KAT6B: variants seen among roughly 807,000 people sequenced by gnomAD.
The protein encoded by KAT6B is histone acetyltransferase KAT6B.
KAT6B carries 10 observed loss-of-function variants against 187.5 expected under a neutral mutation model. The ratio of observed to expected loss-of-function variants is 0.05; its 90% CI spans 0.03 to 0.09. The LOEUF is 0.09. Ranked by LOEUF, KAT6B falls within the 10% of genes least tolerant of loss-of-function variation. KAT6B has a pLI of 1.00. For missense variants in KAT6B, 1,952 were observed against 2,558.9 expected, an observed-to-expected ratio of 0.76 and a Z score of 5.12; for synonymous variants, 861 against 926.8, an observed-to-expected ratio of 0.93 and a Z score of 1.29.
chr10:74,926,283 G>A (rs1406802762), intron 3 of KAT6B, among the ~76,000 whole-genome samples: 5 of 152,110 alleles, frequency 3.3e-5, no homozygotes, highest in Admixed American at 6.5e-5. Context: ...GCAAAACCCC[G>A]TCTCTACTAA....
At chr10:74,892,333 A>G (rs1233213664) in intron 3 of KAT6B, among the ~76,000 whole-genome samples, 1 of 152,202 alleles carries the variant, frequency 6.6e-6, no homozygotes, top group Non-Finnish European at 1.5e-5. Context: ...GCCCCACTGC[A>G]CTGCAGCCTG....
Position 74,919,067 on chromosome 10 carries a change from A to T in KAT6B, c.622-40903A>T, listed in dbSNP as rs557505123. On this transcript the variant is annotated intron_variant, in intron 3 of 17. Coordinates refer to ENST00000287239, the MANE Select transcript of KAT6B (RefSeq NM_012330.4). ...ACCCCATCTCTACTAAAAATATATT[A>T]AAAAAATGGGCCAGGCGTGGTGGCA... 2.7e-4 allele frequency among the ~76,000 whole-genome samples: 41 copies of T among 151,918 alleles called. No individual in the cohort carries two copies. The South Asian group carries it at 2.9e-3, about 11-fold the overall frequency.
intron 3 of KAT6B, among the ~76,000 whole-genome samples, chr10:74,940,193 G>A (rs188775442): frequency 6.6e-6 from 1 of 151,678 alleles, no homozygotes; most frequent in South Asian, 2.1e-4. Flanking sequence ...CCATGTGTAT[G>A]TATACATTAA....
chr10:74,931,900 C>CA (rs1318969227), intron 3 of KAT6B, among the ~76,000 whole-genome samples: 1 of 151,988 alleles, frequency 6.6e-6, no homozygotes, highest in East Asian at 1.9e-4. Flanking sequence ...TTAGTAGAGA[C>CA]AGAGTTTTGC....
chr10:75,013,622 A>G (rs1844771782), intron 13 of KAT6B, among the ~76,000 whole-genome samples: 1 of 152,178 alleles, frequency 6.6e-6, no homozygotes, highest in Non-Finnish European at 1.5e-5. Flanking sequence ...CCAAATGATC[A>G]CCTTGAGACT....
chr10:74,895,755 G>T (rs1845944563), intron 3 of KAT6B, among the ~76,000 whole-genome samples: 1 of 152,046 alleles, frequency 6.6e-6, no homozygotes, highest in African/African-American at 2.4e-5. Context: ...GGCCAGGCTG[G>T]TCTCGAACTC....
intron 13 of KAT6B, among the ~76,000 whole-genome samples, chr10:75,017,044 G>A (rs1331122837): frequency 6.6e-6 from 1 of 151,814 alleles, no homozygotes; most frequent in Non-Finnish European, 1.5e-5. Flanking sequence ...TGTGTTTTTA[G>A]TAGAGATGGG....
At chr10:74,899,109 TGA>T (rs1278528665) in intron 3 of KAT6B, among the ~76,000 whole-genome samples, 1 of 150,420 alleles carries the variant, frequency 6.6e-6, no homozygotes, top group African/African-American at 2.4e-5. Flanking sequence ...TGCAGTGAGC[TGA>T]GATTGCGCCA....
Position 74,833,825 on chromosome 10 carries a change from T to C in KAT6B, c.-328-4858T>C, listed in dbSNP as rs188163639. ...TTATTAGCTTATGAATTGAAAACTCTCTTTGTTAATGAGTAGTGGGAAAGA... is the reference window on the plus strand; with the variant it reads ...TTATTAGCTTATGAATTGAAAACTCCCTTTGTTAATGAGTAGTGGGAAAGA... On this transcript the variant is annotated intron_variant, in intron 1 of 17. Transcript: ENST00000287239. Among the ~76,000 whole-genome samples, 4 of 152,368 alleles carry C rather than the reference T, an allele frequency of 2.6e-5. No homozygotes were observed. In the East Asian group the frequency reaches 7.7e-4, roughly 29 times the overall value.
intron 3 of KAT6B, among the ~76,000 whole-genome samples, chr10:74,906,272 C>G (rs1846753571): frequency 6.6e-6 from 1 of 152,030 alleles, no homozygotes; most frequent in South Asian, 2.1e-4. Context: ...TGGTGGTGCA[C>G]TCCTGTAATC....
intron 3 of KAT6B, among the ~76,000 whole-genome samples, chr10:74,847,351 G>A (rs1243803267): frequency 6.6e-6 from 1 of 152,212 alleles, no homozygotes; most frequent in Admixed American, 6.5e-5. Context: ...CAACATGTTT[G>A]TATTCTTTAA....
rs111568590 is a variant in KAT6B at position 74,832,244 on chromosome 10, A to G, written c.-329+5459A>G. Among the ~76,000 whole-genome samples, 186 of 152,318 alleles carry G rather than the reference A, an allele frequency of 1.2e-3. 4 individuals carry two copies. The highest frequency in any genetic ancestry group is 4.3e-3 in the African/African-American group (177 of 41,570). ...CCTGAATTTTTCAGGGTATCTGGAT[A>G]TCTGGTCTGAAGACATCTGTAATAC... is the stretch of plus-strand genomic sequence containing the variant. On this transcript the variant is annotated intron_variant, in intron 1 of 17. Coordinates refer to ENST00000287239, the MANE Select transcript of KAT6B (RefSeq NM_012330.4).
intron 3 of KAT6B, among the ~76,000 whole-genome samples, chr10:74,924,727 C>T (rs1848368311): frequency 6.6e-6 from 1 of 152,196 alleles, no homozygotes; most frequent in African/African-American, 2.4e-5. Context: ...TTACTTACTT[C>T]CTACTATGCT....
At chr10:74,997,604 G>A (rs1843526446) in intron 13 of KAT6B, among the ~76,000 whole-genome samples, 2 of 151,920 alleles carry the variant, frequency 1.3e-5, no homozygotes, top group African/African-American at 4.8e-5. Context: ...AATTGTTGGT[G>A]GTTTAAAAAT....
Position 75,029,305 on chromosome 10 carries a change from G to A in KAT6B, c.4481G>A (p.Gly1494Glu). The change falls in exon 18 of 18, where the codon GGG becomes GAG. Residue 1494 changes from glycine to glutamate, a missense_variant. Gly to Glu is a moderately conservative substitution (Grantham distance 98). Coordinates refer to ENST00000287239, the MANE Select transcript of KAT6B (RefSeq NM_012330.4). The surrounding 1 kb of genome is among the most constrained non-coding windows in gnomAD (Gnocchi z 6.2). ...SCNSEPKELA[G>E]DPEAVPESDE... ...AACAGTGAGCCCAAGGAGCTTGCTG[G>A]GGACCCTGAAGCTGTACCCGAATCT... The A allele has an allele frequency of 6.2e-7, 1 of 1,614,108 alleles. No homozygotes were observed. Among genetic ancestry groups the A allele is most frequent in the Non-Finnish European group, 8.5e-7 (1 of 1,180,030 alleles).
chr10:74,883,760 C>G (rs1384113384), intron 3 of KAT6B, among the ~76,000 whole-genome samples: 1 of 152,178 alleles, frequency 6.6e-6, no homozygotes, highest in Non-Finnish European at 1.5e-5. Flanking sequence ...GTTGGATGAC[C>G]TGGTCCTCTG....
chr10:74,998,283 A>G (rs1483128174), intron 13 of KAT6B, among the ~76,000 whole-genome samples: 1 of 152,154 alleles, frequency 6.6e-6, no homozygotes, highest in Non-Finnish European at 1.5e-5. Flanking sequence ...AATTCATTCT[A>G]GGGAAATCAG....
At chr10:74,924,080 G>A (rs1848325340) in intron 3 of KAT6B, among the ~76,000 whole-genome samples, 2 of 152,168 alleles carry the variant, frequency 1.3e-5, no homozygotes, top group South Asian at 4.1e-4. Flanking sequence ...TTATTGGCCT[G>A]AATAACTGGA....
At chr10:74,962,713 C>T (rs1338750830) in intron 4 of KAT6B, among the ~76,000 whole-genome samples, 3 of 152,094 alleles carry the variant, frequency 2.0e-5, no homozygotes, top group Admixed American at 6.5e-5. Context: ...ATTTAGACTC[C>T]GCTTAGATTT....
Sources: allele counts gnomAD v4.1 joint callset (sites outside exome capture counted in the v4.1 genomes callset), GRCh38; gene constraint gnomAD v4.1.1; non-coding constraint Gnocchi (gnomAD v3.1); transcripts MANE v1.5; gene names NCBI Gene and HGNC (gene_info 2026-07-23, HGNC 2026-07-21).